The following BBS9 variants were observed in gnomAD, a reference collection of about 807,000 sequenced individuals.
BBS9 encodes Bardet-Biedl syndrome 9, also known as protein PTHB1.
BBS9 carries 89 observed loss-of-function variants against 117.7 expected under a neutral mutation model. That is an observed-to-expected ratio of 0.76 (90% confidence interval 0.64 to 0.90). The LOEUF is 0.90. Ranked by LOEUF, BBS9 falls within the 40% of genes least tolerant of loss-of-function variation. The probability of loss-of-function intolerance (pLI) is 0.00; values close to 1 mark genes in which losing one functional copy is unlikely to be tolerated. For missense variants in BBS9, 982 were observed against 1,042.2 expected, an observed-to-expected ratio of 0.94 and a Z score of 0.80; for synonymous variants, 379 against 370.9, an observed-to-expected ratio of 1.02 and a Z score of -0.25.
At chr7:33,249,041 T>C (rs542572537) in intron 5 of BBS9, among the ~76,000 whole-genome samples, 3 of 152,272 alleles carry the variant, frequency 2.0e-5, no homozygotes, top group African/African-American at 7.2e-5. Flanking sequence ...TGCTGAGTAA[T>C]GGTAGTTTTC....
intron 9 of BBS9, among the ~76,000 whole-genome samples, chr7:33,280,679 G>C (rs1242958438): frequency 6.6e-6 from 1 of 151,410 alleles, no homozygotes; most frequent in African/African-American, 2.4e-5. Flanking sequence ...TATGATATAT[G>C]CTTCCTAAAT....
chr7:33,185,662 G>A (rs1249814391), intron 5 of BBS9, among the ~76,000 whole-genome samples: 1 of 151,954 alleles, frequency 6.6e-6, no homozygotes, highest in East Asian at 1.9e-4. Context: ...AAGCTTCCCT[G>A]GAGTTGATGT....
intron 9 of BBS9, among the ~76,000 whole-genome samples, chr7:33,320,276 C>G (rs1811417612): frequency 6.6e-6 from 1 of 152,058 alleles, no homozygotes; most frequent in African/African-American, 2.4e-5. Flanking sequence ...CATTGTTCTA[C>G]TCTTTATCTT....
At chr7:33,302,893 G>T (rs182956596) in intron 9 of BBS9, among the ~76,000 whole-genome samples, 1 of 152,018 alleles carries the variant, frequency 6.6e-6, no homozygotes. Context: ...TAACAATATT[G>T]ATTCTTCCAA....
intron 5 of BBS9, among the ~76,000 whole-genome samples, chr7:33,223,095 A>C (rs2128241736): frequency 6.6e-6 from 1 of 152,086 alleles, no homozygotes; most frequent in Non-Finnish European, 1.5e-5. Context: ...ATACATTAAA[A>C]AATTAATTTT....
At chr7:33,166,520 T>G (rs1795716434) in intron 4 of BBS9, among the ~76,000 whole-genome samples, 1 of 152,240 alleles carries the variant, frequency 6.6e-6, no homozygotes, top group Admixed American at 6.5e-5. Context: ...CCGCCAAGTT[T>G]GAGCTTCCTC....
At chr7:33,197,191 T>A (rs1460738587) in intron 5 of BBS9, among the ~76,000 whole-genome samples, 1 of 152,160 alleles carries the variant, frequency 6.6e-6, no homozygotes, top group Admixed American at 6.6e-5. Context: ...GCACTGCCTT[T>A]GACAAGATGG....
intron 21 of BBS9, among the ~76,000 whole-genome samples, chr7:33,631,530 G>T (rs774890965): frequency 1.3e-5 from 2 of 152,184 alleles, no homozygotes; most frequent in East Asian, 3.9e-4. Context: ...GAACATGTGT[G>T]TAGAAAGCAG....
chr7:33,631,001 G>T (rs533884659), intron 21 of BBS9, among the ~76,000 whole-genome samples: 1 of 152,256 alleles, frequency 6.6e-6, no homozygotes, highest in African/African-American at 2.4e-5. Flanking sequence ...ACTACAAAAT[G>T]ACCATTCTGA....
chr7:33,252,452 G>A (rs1481042635), intron 5 of BBS9, among the ~76,000 whole-genome samples: 1 of 152,048 alleles, frequency 6.6e-6, no homozygotes, highest in South Asian at 2.1e-4. Context: ...GTAGTCTCTA[G>A]GCTTGTTAAA....
At chr7:33,460,544 A>G (rs1839313698) in intron 19 of BBS9, among the ~76,000 whole-genome samples, 1 of 152,084 alleles carries the variant, frequency 6.6e-6, no homozygotes, top group African/African-American at 2.4e-5. Flanking sequence ...TCACACTTAA[A>G]TAGACATATA....
intron 16 of BBS9, among the ~76,000 whole-genome samples, chr7:33,364,309 A>C (rs984907918): frequency 7.2e-5 from 11 of 152,148 alleles, no homozygotes; most frequent in Admixed American, 2.6e-4. Flanking sequence ...ATCTATGTTC[A>C]TGAGAGAAAT....
chr7:33,339,228 A>G (rs1042467377), intron 10 of BBS9, among the ~76,000 whole-genome samples: 6 of 151,470 alleles, frequency 4.0e-5, no homozygotes, highest in African/African-American at 1.5e-4. Context: ...GGCTTTTGGA[A>G]CTCCTGCCCT....
At chr7:33,274,803 T>C (rs1029144560) in intron 9 of BBS9, among the ~76,000 whole-genome samples, 7 of 152,114 alleles carry the variant, frequency 4.6e-5, no homozygotes, top group Admixed American at 3.3e-4. Flanking sequence ...AAGACCAGCC[T>C]GGCCAACATG....
At chr7:33,629,427 G>A (rs373554263) in intron 21 of BBS9, among the ~76,000 whole-genome samples, 1 of 152,148 alleles carries the variant, frequency 6.6e-6, no homozygotes, top group South Asian at 2.1e-4. Context: ...AAGGGCAAAG[G>A]GACTCAGGGA....
At chr7:33,573,587 C>CA (rs936413830) in intron 21 of BBS9, among the ~76,000 whole-genome samples, 23 of 151,988 alleles carry the variant, frequency 1.5e-4, no homozygotes, top group East Asian at 9.7e-4. Flanking sequence ...TTTGCTACTG[C>CA]AAAAAAATGC....
In BBS9 at chr7:33,511,844, G is replaced by A. The variant is rs138883159; in HGVS notation, c.2298+6199G>A. On this transcript the variant is annotated intron_variant, in intron 20 of 22. Coordinates refer to ENST00000242067, the MANE Select transcript of BBS9 (RefSeq NM_198428.3). ...ACTTACAAGGTTTAAAGACTTCTACGTCATAGGTCAGGTTTAATGTAAGGG... is the reference window on the plus strand; with the variant it reads ...ACTTACAAGGTTTAAAGACTTCTACATCATAGGTCAGGTTTAATGTAAGGG... Among the ~76,000 whole-genome samples the A allele has an allele frequency of 1.3e-4, 20 of 152,322 alleles. No individual in the cohort carries two copies. In the East Asian group the frequency reaches 2.3e-3, roughly 18 times the overall value.
intron 4 of BBS9, among the ~76,000 whole-genome samples, chr7:33,176,360 T>A (rs975418388): frequency 5.9e-5 from 9 of 152,202 alleles, no homozygotes; most frequent in African/African-American, 2.2e-4. Context: ...GGTGGACAAC[T>A]GGGCAGCAGG....
rs567851992 is a variant in BBS9, at chr7:33,405,600, C to A, written c.2115+17456C>A. ...GGATGTGTGTGTCAAGGAATTTATC[C>A]ATTTCTTCTAGATTTTCTAGTTTAT... On this transcript the variant is annotated intron_variant, in intron 19 of 22. Coordinates refer to ENST00000242067, the MANE Select transcript of BBS9 (RefSeq NM_198428.3). Among the ~76,000 whole-genome samples the A allele has an allele frequency of 7.6e-4, 116 of 152,256 alleles. 3 individuals are homozygous for A. The highest frequency in any genetic ancestry group is 7.6e-3 in the Admixed American group (116 of 15,296).
Sources: gnomAD v4.1 joint callset for allele counts (sites outside exome capture counted in the v4.1 genomes callset) on GRCh38, gnomAD v4.1.1 for gene constraint, MANE v1.5 for transcripts, NCBI Gene and HGNC (gene_info 2026-07-23, HGNC 2026-07-21) for gene names.